The following ROR2 variants were observed in gnomAD, a reference collection of about 807,000 sequenced individuals.
ROR2 encodes ROR family WNT receptor 2.
In ROR2, 33 loss-of-function variants were observed where a neutral mutation model predicts 74.9. The ratio of observed to expected loss-of-function variants is 0.44; its 90% CI spans 0.33 to 0.59. The LOEUF is 0.59. Ranked by LOEUF, ROR2 falls within the 20% of genes least tolerant of loss-of-function variation. The pLI is 0.02. For missense variants in ROR2, 1,216 were observed against 1,313.8 expected, an observed-to-expected ratio of 0.93 and a Z score of 1.15; for synonymous variants, 586 against 558.7, an observed-to-expected ratio of 1.05 and a Z score of -0.69.
intron 1 of ROR2, among the ~76,000 whole-genome samples, chr9:91,782,669 T>C (rs915313061): frequency 1.3e-5 from 2 of 150,732 alleles, no homozygotes; most frequent in Non-Finnish European, 2.9e-5. Context: ...CTGGGCTGCA[T>C]GTGCCACGGG....
chr9:91,751,880 C>G (rs1028516181), intron 4 of ROR2, among the ~76,000 whole-genome samples: 3 of 152,100 alleles, frequency 2.0e-5, no homozygotes, highest in Non-Finnish European at 2.9e-5. Flanking sequence ...AATAATGCAA[C>G]AAAAATCAGA....
At chr9:91,910,901 T>C (rs1466961048) in intron 1 of ROR2, among the ~76,000 whole-genome samples, 2 of 152,216 alleles carry the variant, frequency 1.3e-5, no homozygotes, top group Non-Finnish European at 2.9e-5. Context: ...TGACCTCATA[T>C]GATCTGCCCT....
At chr9:91,872,453 C>T (rs879653882) in intron 1 of ROR2, among the ~76,000 whole-genome samples, 5 of 152,184 alleles carry the variant, frequency 3.3e-5, no homozygotes, top group Admixed American at 1.3e-4. Context: ...CAAACCTTGA[C>T]GAGGAATCAG....
Position 91,723,927 on chromosome 9 carries a change from ACCATCTGAGGAGGCACCTGCTGCGGGG to A in ROR2, c.2540_2566del (p.Ala847_Met855del). The A allele has an allele frequency of 1.2e-6, 2 of 1,613,670 alleles. No individual in the cohort carries two copies. Among genetic ancestry groups the A allele is most frequent in the Non-Finnish European group, 1.7e-6 (2 of 1,179,978 alleles). ...ACTGTGGTGTGAGCTGGGCTTGGGG[ACCATCTGAGGAGGCACCTGCTGCGGGG>A]CCATCTGCATTGGGATCTGCACCGG... On this transcript the variant is annotated inframe_deletion, in exon 9 of 9. Coordinates refer to ENST00000375708, the MANE Select transcript of ROR2 (RefSeq NM_004560.4).
chr9:91,825,553 CA>C lies in ROR2; in HGVS notation c.98-49736del, dbSNP rs113049266. 3.0e-3 allele frequency among the ~76,000 whole-genome samples: 457 copies of C among 152,230 alleles called. 4 individuals are homozygous for C. Among genetic ancestry groups the C allele is most frequent in the African/African-American group, 9.8e-3 (407 of 41,534 alleles). ...CAGGAACATCTGCCTGAGACCCAGG[CA>C]GGGGGAGAAGGTGGGTGTCAGGAAA... is the stretch of plus-strand genomic sequence containing the variant. On this transcript the variant is annotated intron_variant, in intron 1 of 8. Coordinates refer to ENST00000375708, the MANE Select transcript of ROR2 (RefSeq NM_004560.4).
At chr9:91,732,385 G>A (rs890134249) in intron 6 of ROR2, among the ~76,000 whole-genome samples, 3 of 152,192 alleles carry the variant, frequency 2.0e-5, no homozygotes, top group African/African-American at 7.2e-5. Context: ...GCCAGCAAGA[G>A]GGGCAGTGGG....
intron 5 of ROR2, 93 bp downstream of exon 5, chr9:91,737,298 G>T: frequency 6.6e-7 from 1 of 1,519,954 alleles, no homozygotes. Context: ...CACTGACCAT[G>T]CCATTAACTG....
chr9:91,905,390 A>G lies in ROR2; in HGVS notation c.97+44477T>C, dbSNP rs1253960918. Among the ~76,000 whole-genome samples the G allele has an allele frequency of 6.6e-6, 1 of 151,976 alleles. No individual in the cohort carries two copies. ...ACAAGACACACAACACATACCACAC[A>G]CACAGAGAGACAAAAACTATACAAA... On this transcript the variant is annotated intron_variant, in intron 1 of 8. Coordinates refer to ENST00000375708, the MANE Select transcript of ROR2 (RefSeq NM_004560.4). The surrounding 1 kb of genome is among the most constrained non-coding windows in gnomAD (Gnocchi z 5.3).
intron 1 of ROR2, among the ~76,000 whole-genome samples, chr9:91,917,338 G>T (rs571055751): frequency 6.6e-6 from 1 of 152,314 alleles, no homozygotes; most frequent in East Asian, 1.9e-4. Flanking sequence ...CGTGCGAGAA[G>T]AAGATACGTG....
intron 1 of ROR2, among the ~76,000 whole-genome samples, chr9:91,781,484 C>T (rs900631527): frequency 6.6e-6 from 1 of 152,194 alleles, no homozygotes; most frequent in Non-Finnish European, 1.5e-5. Context: ...CGTATAAAGT[C>T]CCGAAAGGGT....
intron 1 of ROR2, among the ~76,000 whole-genome samples, chr9:91,871,358 T>C (rs1273191303): frequency 6.6e-6 from 1 of 152,376 alleles, no homozygotes; most frequent in Non-Finnish European, 1.5e-5. Context: ...ATTGGCATGA[T>C]ATATCACACA....
chr9:91,791,297 C>A (rs548803811), intron 1 of ROR2, among the ~76,000 whole-genome samples: 1 of 152,210 alleles, frequency 6.6e-6, no homozygotes, highest in African/African-American at 2.4e-5. Flanking sequence ...AGTCCAGTAA[C>A]ATGCTGTACA....
chr9:91,801,611 T>C (rs374956208), intron 1 of ROR2, among the ~76,000 whole-genome samples: 2 of 152,210 alleles, frequency 1.3e-5, no homozygotes, highest in South Asian at 4.1e-4. Flanking sequence ...ATTACCGGCG[T>C]GAGCCACAGC....
intron 1 of ROR2, among the ~76,000 whole-genome samples, chr9:91,801,347 T>C (rs1827372941): frequency 6.6e-6 from 1 of 152,168 alleles, no homozygotes; most frequent in African/African-American, 2.4e-5. Flanking sequence ...TTTTATTTTA[T>C]TTTTGAGATG....
At chr9:91,758,195 C>T (rs757535509) in intron 2 of ROR2, among the ~76,000 whole-genome samples, 4 of 152,130 alleles carry the variant, frequency 2.6e-5, no homozygotes, top group Non-Finnish European at 5.9e-5. Flanking sequence ...CTGCCGTGGG[C>T]GTGTGTCTGT....
intron 1 of ROR2, among the ~76,000 whole-genome samples, chr9:91,878,394 C>T (rs962337370): frequency 1.3e-5 from 2 of 152,200 alleles, no homozygotes; most frequent in Non-Finnish European, 2.9e-5. Context: ...TCTGCAAAGC[C>T]TTCCCAGCCT....
chr9:91,810,655 C>G (rs984090449), intron 1 of ROR2, among the ~76,000 whole-genome samples: 1 of 152,202 alleles, frequency 6.6e-6, no homozygotes, highest in Non-Finnish European at 1.5e-5. Flanking sequence ...CGGTCACTCT[C>G]GGCAGAGGCT....
intron 1 of ROR2, among the ~76,000 whole-genome samples, chr9:91,875,044 T>C (rs1829918391): frequency 6.6e-6 from 1 of 152,168 alleles, no homozygotes; most frequent in South Asian, 2.1e-4. Context: ...TTACATGATC[T>C]AAATGGAACA....
chr9:91,732,288 C>A (rs1837270244), intron 6 of ROR2, among the ~76,000 whole-genome samples: 1 of 152,210 alleles, frequency 6.6e-6, no homozygotes, highest in African/African-American at 2.4e-5. Context: ...GCTCCCTGTC[C>A]TGTGTCTGCC....
Sources: gnomAD v4.1 joint callset for allele counts (sites outside exome capture counted in the v4.1 genomes callset) on GRCh38, gnomAD v4.1.1 for gene constraint, Gnocchi (gnomAD v3.1) non-coding constraint, MANE v1.5 for transcripts, NCBI Gene and HGNC (gene_info 2026-07-23, HGNC 2026-07-21) for gene names.